The following SEC23A variants were observed in gnomAD, a reference collection of about 807,000 sequenced individuals.
SEC23A encodes SEC23 homolog A, COPII component.
Under a neutral mutation model 103.7 loss-of-function variants are expected in SEC23A, and 56 were observed. The ratio of observed to expected loss-of-function variants is 0.54; its 90% CI spans 0.44 to 0.67. The LOEUF (loss-of-function observed/expected upper bound fraction) is 0.67, where lower values mean the gene tolerates loss of function less well. Among genes scored for constraint, SEC23A ranks in the 30% least tolerant of loss-of-function variants. SEC23A has a pLI of 0.00. For synonymous variants in SEC23A, 281 were observed against 293.0 expected (o/e 0.96, Z 0.42); for missense variants, 784 against 936.4 (o/e 0.84, Z 2.12).
At chr14:39,100,555 G>A (rs1888050623) in intron 1 of SEC23A, among the ~76,000 whole-genome samples, 1 of 151,830 alleles carries the variant, frequency 6.6e-6, no homozygotes, top group South Asian at 2.1e-4. Context: ...TGGGATTACG[G>A]GCATAAGCCA....
chr14:39,046,853 TTC>T (rs1458522435), intron 15 of SEC23A, among the ~76,000 whole-genome samples: 1 of 152,220 alleles, frequency 6.6e-6, no homozygotes, highest in Non-Finnish European at 1.5e-5. Flanking sequence ...CTTTAGTCAC[TTC>T]TCTTAAATTC....
At chr14:39,053,389 G>A (rs1483891182) in intron 14 of SEC23A, among the ~76,000 whole-genome samples, 2 of 152,106 alleles carry the variant, frequency 1.3e-5, no homozygotes, top group South Asian at 4.1e-4. Context: ...AAATAAGCAA[G>A]GGTCAAAATA....
intron 9 of SEC23A, 72 bp downstream of exon 9, chr14:39,074,343 A>G (rs1886938055): frequency 1.0e-6 from 1 of 962,556 alleles, no homozygotes; most frequent in African/African-American, 1.6e-5. Flanking sequence ...CTAAATGGTC[A>G]TTATTGGTTT....
At chr14:39,048,973 A>AT (rs951749702) in intron 14 of SEC23A, among the ~76,000 whole-genome samples, 2 of 152,112 alleles carry the variant, frequency 1.3e-5, no homozygotes, top group African/African-American at 4.8e-5. Context: ...ATATTTGGAT[A>AT]TTTTTTAACT....
At position 39,048,640 on chromosome 14, in the gene SEC23A, T is replaced by C; in HGVS notation, c.1737+12A>G. 6.5e-7 allele frequency: 1 copy of C among 1,543,798 alleles called. No individual in the cohort carries two copies. The highest frequency in any genetic ancestry group is 9.0e-7 in the Non-Finnish European group (1 of 1,116,490). On this transcript the variant is annotated intron_variant, in intron 15 of 19. Transcript: ENST00000307712. ...AAGAAAAGAAAAGAATATGGACCTT[T>C]TACCTACTTACCTGTGGATAAAGGG... is the stretch of plus-strand genomic sequence containing the variant.
At chr14:39,067,999 T>G (rs1886731331) in intron 9 of SEC23A, among the ~76,000 whole-genome samples, 1 of 152,100 alleles carries the variant, frequency 6.6e-6, no homozygotes, top group Non-Finnish European at 1.5e-5. Context: ...AGTATGTGTG[T>G]GTATGTATAT....
chr14:39,102,096 G>A (rs1888120371), intron 1 of SEC23A, among the ~76,000 whole-genome samples: 1 of 152,130 alleles, frequency 6.6e-6, no homozygotes. Context: ...GCCGGGCATA[G>A]TAGCTCGCCC....
chr14:39,037,403 T>C (rs1335959708), intron 19 of SEC23A, among the ~76,000 whole-genome samples: 1 of 152,214 alleles, frequency 6.6e-6, no homozygotes, highest in Non-Finnish European at 1.5e-5. Context: ...TCACCTGTTT[T>C]TTAAAAATTC....
intron 7 of SEC23A, among the ~76,000 whole-genome samples, chr14:39,082,619 T>C (rs776602000): frequency 1.3e-5 from 2 of 150,568 alleles, no homozygotes; most frequent in African/African-American, 2.5e-5. Flanking sequence ...TGTTTATTAA[T>C]TACAAAGGGG....
chr14:39,063,161 A>T lies in SEC23A; in HGVS notation c.1398+163T>A, dbSNP rs1886535985. Reference sequence around the variant, plus strand: ...AATATGTACTCTCACCAAGGAGTTTAGCCTTGAAAAATAAAAAACGACAAA... The same window carrying T: ...AATATGTACTCTCACCAAGGAGTTTTGCCTTGAAAAATAAAAAACGACAAA... On this transcript the variant is annotated intron_variant, in intron 12 of 19. Transcript: ENST00000307712. Among the ~76,000 whole-genome samples, 4 of 152,248 alleles carry T rather than the reference A, an allele frequency of 2.6e-5. No individual in the cohort carries two copies. The South Asian group carries it at 8.3e-4, about 31-fold the overall frequency.
At chr14:39,087,064 A>C (rs1003581239) in intron 5 of SEC23A, 56 bp from the exon 6 acceptor site, 3 of 1,027,568 alleles carry the variant, frequency 2.9e-6, no homozygotes, top group African/African-American at 3.2e-5. Context: ...AAGATTTATC[A>C]ACTATTTATC....
rs1220061126 is a variant in SEC23A, at chr14:39,095,892, A to G, written c.221+6T>C. The stretch of plus-strand genomic sequence containing the variant: ...CCACATTAGTTTTTCTATATATTTT[A>G]CTTACCATAAAGGATTCAAAACTGC... On this transcript the variant is annotated splice_donor_region_variant and intron_variant, in intron 2 of 19. Transcript: ENST00000307712. 1.3e-6 allele frequency: 2 copies of G among 1,583,896 alleles called. No individual in the cohort carries two copies. Among genetic ancestry groups the G allele is most frequent in the Non-Finnish European group, 1.7e-6 (2 of 1,152,574 alleles).
chr14:39,094,727 C>G (rs1887827117), intron 2 of SEC23A, among the ~76,000 whole-genome samples: 1 of 151,950 alleles, frequency 6.6e-6, no homozygotes, highest in African/African-American at 2.4e-5. Context: ...ACAGAAGAAT[C>G]CGGGCAGAAT....
Position 39,094,211 on chromosome 14 carries a change from C to T in SEC23A, c.222-967G>A, listed in dbSNP as rs866063974. 4.1e-5 allele frequency among the ~76,000 whole-genome samples: 5 copies of T among 122,826 alleles called. No homozygotes were observed. The East Asian group carries it at 1.2e-3, about 28-fold the overall frequency. 80.6% of individuals were successfully genotyped at this position (122,826 alleles called of 152,430 possible). ...ATATACATATACATATATATATATGCATATATACACATACATATATATATA... is the reference window on the plus strand; with the variant it reads ...ATATACATATACATATATATATATGTATATATACACATACATATATATATA... On this transcript the variant is annotated intron_variant, in intron 2 of 19. Coordinates refer to ENST00000307712, the MANE Select transcript of SEC23A (RefSeq NM_006364.4).
chr14:39,080,801 G>A (rs1259013754), intron 7 of SEC23A, among the ~76,000 whole-genome samples: 3 of 151,848 alleles, frequency 2.0e-5, no homozygotes, highest in Non-Finnish European at 4.4e-5. Flanking sequence ...CAACTTTATA[G>A]GAAAAAATAC....
chr14:39,087,219 G>C (rs1470850713), intron 5 of SEC23A, among the ~76,000 whole-genome samples: 1 of 152,086 alleles, frequency 6.6e-6, no homozygotes, highest in Non-Finnish European at 1.5e-5. Context: ...AAAGCACAAG[G>C]TGTTATATAA....
intron 14 of SEC23A, among the ~76,000 whole-genome samples, chr14:39,052,497 A>C (rs986898115): frequency 2.0e-5 from 3 of 152,180 alleles, no homozygotes; most frequent in Admixed American, 2.0e-4. Context: ...TTACAAGGAA[A>C]ATCAGTAGGT....
chr14:39,053,147 AAG>A lies in SEC23A; in HGVS notation c.1659+1994_1659+1995del, dbSNP rs1416601183. On this transcript the variant is annotated intron_variant, in intron 14 of 19. Coordinates refer to ENST00000307712, the MANE Select transcript of SEC23A (RefSeq NM_006364.4). ...CCAAACTCTGTCTCAAAACAAAAAA[AAG>A]ATGTAGTCTGAGAAATTGAAAAGGT... Among the ~76,000 whole-genome samples the A allele has an allele frequency of 2.0e-5, 3 of 152,188 alleles. No individual in the cohort carries two copies. The East Asian group carries it at 5.8e-4, about 29-fold the overall frequency.
At chr14:39,047,775 G>C (rs915757064) in intron 15 of SEC23A, among the ~76,000 whole-genome samples, 1 of 152,156 alleles carries the variant, frequency 6.6e-6, no homozygotes, top group Non-Finnish European at 1.5e-5. Context: ...CTCCTTGTAA[G>C]AGGGATCCAT....
Sources: gnomAD v4.1 joint callset for allele counts (sites outside exome capture counted in the v4.1 genomes callset) on GRCh38, gnomAD v4.1.1 for gene constraint, MANE v1.5 for transcripts, NCBI Gene and HGNC (gene_info 2026-07-23, HGNC 2026-07-21) for gene names.